Variants in BABAM2 observed in about 807,000 individuals in gnomAD.
BABAM2 encodes BRISC and BRCA1-A complex member 2.
Under a neutral mutation model 54.7 loss-of-function variants are expected in BABAM2, and 31 were observed. The observed-to-expected ratio is 0.57, with a 90% CI of 0.43 to 0.77. The LOEUF is 0.77. Among genes scored for constraint, BABAM2 ranks in the 30% least tolerant of loss-of-function variants. The pLI, the probability that BABAM2 is intolerant of heterozygous loss-of-function variation, is 0.00. For synonymous variants in BABAM2, 167 were observed against 162.9 expected, an observed-to-expected ratio of 1.03 and a Z score of -0.19; for missense variants, 364 against 455.8, an observed-to-expected ratio of 0.80 and a Z score of 1.83.
chr2:28,032,655 T>C (rs1676383709), intron 5 of BABAM2, among the ~76,000 whole-genome samples: 1 of 152,124 alleles, frequency 6.6e-6, no homozygotes, highest in African/African-American at 2.4e-5. Flanking sequence ...ATAGTAATAA[T>C]AATTATAAAA....
chr2:27,899,698 C>T (rs1339514262), intron 2 of BABAM2, among the ~76,000 whole-genome samples: 1 of 152,082 alleles, frequency 6.6e-6, no homozygotes, highest in Non-Finnish European at 1.5e-5. Flanking sequence ...AACTCCTGAC[C>T]TCAGGTGATC....
intron 11 of BABAM2, among the ~76,000 whole-genome samples, chr2:28,334,242 A>T (rs1258232005): frequency 6.6e-6 from 1 of 152,262 alleles, no homozygotes; most frequent in Non-Finnish European, 1.5e-5. Context: ...GGAGCTTGCA[A>T]TGTTGTAGCC....
intron 2 of BABAM2, among the ~76,000 whole-genome samples, chr2:27,901,509 C>G (rs953855674): frequency 6.6e-6 from 1 of 152,182 alleles, no homozygotes; most frequent in Non-Finnish European, 1.5e-5. Context: ...AATTTCATTA[C>G]TTAGTTAAAA....
At chr2:27,924,071 A>G (rs541613179) in intron 2 of BABAM2, among the ~76,000 whole-genome samples, 3 of 152,326 alleles carry the variant, frequency 2.0e-5, no homozygotes, top group South Asian at 2.1e-4. Flanking sequence ...AAATCTGTCT[A>G]TGTGTGTAGA....
intron 11 of BABAM2, among the ~76,000 whole-genome samples, chr2:28,301,714 C>T (rs1688118966): frequency 6.6e-6 from 1 of 152,174 alleles, no homozygotes; most frequent in South Asian, 2.1e-4. Flanking sequence ...TTGCCAGCAG[C>T]TCTCTCCCCT....
chr2:27,903,300 TC>T (rs1290886086), intron 2 of BABAM2, among the ~76,000 whole-genome samples: 3 of 152,144 alleles, frequency 2.0e-5, no homozygotes, highest in Non-Finnish European at 4.4e-5. Flanking sequence ...TAGGACAAAT[TC>T]CCCCCTTCCA....
rs980025530 is a variant in BABAM2, at chr2:28,179,759, G to A, written c.680+50379G>A. Among the ~76,000 whole-genome samples the A allele has an allele frequency of 9.2e-5, 14 of 152,256 alleles. No individual in the cohort carries two copies. The East Asian group carries it at 2.5e-3, about 27-fold the overall frequency. On this transcript the variant is annotated intron_variant, in intron 7 of 11. Transcript: ENST00000379624. Reference sequence around the variant, plus strand: ...ACTCCACCAAAAAATCTTAGCTGTGGTAAGCAAATTCAGTAACATTGCAGA... The same window carrying A: ...ACTCCACCAAAAAATCTTAGCTGTGATAAGCAAATTCAGTAACATTGCAGA...
intron 7 of BABAM2, among the ~76,000 whole-genome samples, chr2:28,191,363 C>T (rs151129897): frequency 1.1e-4 from 17 of 152,284 alleles, no homozygotes; most frequent in Non-Finnish European, 2.2e-4. Flanking sequence ...ATACAACTGC[C>T]AGATGACCCA....
intron 6 of BABAM2, among the ~76,000 whole-genome samples, chr2:28,102,846 C>G (rs930439239): frequency 1.3e-5 from 2 of 152,162 alleles, no homozygotes; most frequent in African/African-American, 4.8e-5. Flanking sequence ...ACTGCCCTCT[C>G]TGACACAGTA....
At chr2:28,255,429 A>G (rs978633273) in intron 10 of BABAM2, among the ~76,000 whole-genome samples, 7 of 152,072 alleles carry the variant, frequency 4.6e-5, no homozygotes, top group African/African-American at 1.7e-4. Context: ...ATGCACCGTC[A>G]TGCCCGGCTA....
intron 7 of BABAM2, among the ~76,000 whole-genome samples, chr2:28,231,902 G>C (rs1681441505): frequency 7.2e-6 from 1 of 137,980 alleles, no homozygotes; most frequent in African/African-American, 2.8e-5. Context: ...CCAACTCCTG[G>C]CCTCAACTGA....
At chr2:28,053,397 T>G (rs1352122947) in intron 6 of BABAM2, among the ~76,000 whole-genome samples, 1 of 152,174 alleles carries the variant, frequency 6.6e-6, no homozygotes, top group Non-Finnish European at 1.5e-5. Context: ...CGTCATCTTC[T>G]TATCTTAAAG....
At chr2:28,051,718 G>T (rs958516943) in intron 6 of BABAM2, among the ~76,000 whole-genome samples, 1 of 151,616 alleles carries the variant, frequency 6.6e-6, no homozygotes, top group Admixed American at 6.6e-5. Context: ...GCTCCATCTC[G>T]GCTCACTGCA....
At chr2:28,005,784 G>A (rs779874491) in intron 4 of BABAM2, among the ~76,000 whole-genome samples, 1 of 151,938 alleles carries the variant, frequency 6.6e-6, no homozygotes, top group African/African-American at 2.4e-5. Flanking sequence ...CATGGATCTC[G>A]TTTCAATAAT....
chr2:28,089,298 C>T (rs1423657865), intron 6 of BABAM2, among the ~76,000 whole-genome samples: 1 of 152,020 alleles, frequency 6.6e-6, no homozygotes, highest in Non-Finnish European at 1.5e-5. Flanking sequence ...GGAAGAATAA[C>T]AAATATTGCA....
intron 3 of BABAM2, among the ~76,000 whole-genome samples, chr2:27,934,282 T>G (rs190511206): frequency 6.6e-6 from 1 of 152,372 alleles, no homozygotes; most frequent in Non-Finnish European, 1.5e-5. Flanking sequence ...TCATTATTAT[T>G]CTGTTATGGT....
At chr2:27,991,112 C>T (rs1249948342) in intron 4 of BABAM2, among the ~76,000 whole-genome samples, 3 of 151,988 alleles carry the variant, frequency 2.0e-5, no homozygotes, top group Non-Finnish European at 4.4e-5. Context: ...CAGTGGTTCC[C>T]AATTCTAGAT....
intron 2 of BABAM2, among the ~76,000 whole-genome samples, chr2:27,903,356 TACATACG>T (rs1665950696): frequency 6.6e-6 from 1 of 152,258 alleles, no homozygotes; most frequent in African/African-American, 2.4e-5. Flanking sequence ...CCCTGTGTTC[TACATACG>T]TTTTTGTAAC....
chr2:28,159,473 AAAGG>A (rs1434181476), intron 7 of BABAM2, among the ~76,000 whole-genome samples: 15 of 152,230 alleles, frequency 9.9e-5, no homozygotes, highest in African/African-American at 3.6e-4. Context: ...TCCAGGAGGT[AAAGG>A]AGAGAATGGT....
Sources: allele counts gnomAD v4.1 joint callset (sites outside exome capture counted in the v4.1 genomes callset), GRCh38; gene constraint gnomAD v4.1.1; transcripts MANE v1.5; gene names NCBI Gene and HGNC (gene_info 2026-07-23, HGNC 2026-07-21).